Variants in SEMA6D observed in about 807,000 individuals in gnomAD.
The protein encoded by SEMA6D is semaphorin-6D.
In SEMA6D, 35 loss-of-function variants were observed where a neutral mutation model predicts 106.6. The observed-to-expected ratio is 0.33, with a 90% CI of 0.25 to 0.44. The LOEUF (loss-of-function observed/expected upper bound fraction) is 0.44. Among genes scored for constraint, SEMA6D ranks in the 20% least tolerant of loss-of-function variants. The pLI is 1.00. For synonymous variants in SEMA6D, 499 were observed against 487.7 expected, an observed-to-expected ratio of 1.02 and a Z score of -0.31; for missense variants, 1,185 against 1,345.9, an observed-to-expected ratio of 0.88 and a Z score of 1.87.
intron 4 of SEMA6D, among the ~76,000 whole-genome samples, chr15:47,657,930 C>T (rs2077835534): frequency 1.3e-5 from 2 of 150,972 alleles, no homozygotes; most frequent in East Asian, 2.0e-4. Flanking sequence ...GTAGTAGAGA[C>T]GGGGTTTCGC....
At chr15:47,268,100 G>A (rs190213755) in intron 1 of SEMA6D, among the ~76,000 whole-genome samples, 20 of 152,170 alleles carry the variant, frequency 1.3e-4, no homozygotes, top group African/African-American at 4.1e-4. Flanking sequence ...GCAGTTTAAC[G>A]AGGTCCCCAG....
intron 3 of SEMA6D, chr15:47,527,887 CAGTAG>C (rs1262624881): frequency 6.6e-6 from 1 of 152,118 alleles, no homozygotes; most frequent in Non-Finnish European, 1.5e-5. Context: ...TATTGCATGT[CAGTAG>C]AGTAAAGCAC....
At chr15:47,659,377 G>A (rs2077870561) in intron 4 of SEMA6D, among the ~76,000 whole-genome samples, 1 of 151,408 alleles carries the variant, frequency 6.6e-6, no homozygotes. Flanking sequence ...AATTGTATTA[G>A]GAAAACTAGC....
chr15:47,517,709 G>C (rs1276587719), intron 3 of SEMA6D, among the ~76,000 whole-genome samples: 1 of 151,972 alleles, frequency 6.6e-6, no homozygotes. Flanking sequence ...GCCACTTTTT[G>C]TTTGTTTGTC....
At chr15:47,322,008 C>G (rs2036941802) in intron 1 of SEMA6D, among the ~76,000 whole-genome samples, 1 of 152,100 alleles carries the variant, frequency 6.6e-6, no homozygotes, top group Non-Finnish European at 1.5e-5. Flanking sequence ...TAAGTCTATG[C>G]TTAGATAAAA....
chr15:47,428,071 C>T (rs981611907), intron 2 of SEMA6D, among the ~76,000 whole-genome samples: 8 of 151,944 alleles, frequency 5.3e-5, no homozygotes, highest in African/African-American at 1.9e-4. Context: ...TGCAAGAGAT[C>T]TATGCTTAAA....
At chr15:47,397,354 GGA>G (rs2040245164) in intron 1 of SEMA6D, 1 of 152,158 alleles carries the variant, frequency 6.6e-6, no homozygotes, top group South Asian at 2.1e-4. Flanking sequence ...TGTAGACAAG[GGA>G]GAGTTTTTCT....
intron 1 of SEMA6D, among the ~76,000 whole-genome samples, chr15:47,195,292 A>C (rs558912710): frequency 1.3e-5 from 2 of 152,208 alleles, no homozygotes; most frequent in South Asian, 4.1e-4. Context: ...CCCAGAGCAC[A>C]TTGCTTTCTC....
intron 1 of SEMA6D, among the ~76,000 whole-genome samples, chr15:47,753,693 T>A (rs1288314470): frequency 6.6e-6 from 1 of 152,172 alleles, no homozygotes; most frequent in Admixed American, 6.5e-5. Context: ...AAAGTCTTCG[T>A]AAAGCTAGAG....
chr15:47,591,980 A>G (rs943160388), intron 3 of SEMA6D, among the ~76,000 whole-genome samples: 4 of 152,214 alleles, frequency 2.6e-5, no homozygotes, highest in Non-Finnish European at 5.9e-5. Context: ...AGCATCTGTC[A>G]TTGTTAAATG....
intron 4 of SEMA6D, among the ~76,000 whole-genome samples, chr15:47,699,506 T>G (rs1210743192): frequency 6.6e-6 from 1 of 152,178 alleles, no homozygotes; most frequent in Non-Finnish European, 1.5e-5. Context: ...GAAAAAGACC[T>G]TAGACATTTG....
At chr15:47,217,894 C>T in intron 1 of SEMA6D, among the ~76,000 whole-genome samples, 1 of 151,080 alleles carries the variant, frequency 6.6e-6, no homozygotes. Flanking sequence ...CACACACACA[C>T]ACACACACAC....
At chr15:47,541,674 A>G (rs1348167929) in intron 3 of SEMA6D, among the ~76,000 whole-genome samples, 4 of 152,212 alleles carry the variant, frequency 2.6e-5, no homozygotes, top group Admixed American at 2.0e-4. Context: ...TCCTGTATCT[A>G]CAGATGATCG....
At chr15:47,376,467 A>G (rs946830470) in intron 1 of SEMA6D, among the ~76,000 whole-genome samples, 5 of 152,204 alleles carry the variant, frequency 3.3e-5, no homozygotes, top group Admixed American at 6.5e-5. Context: ...CTCCATCATA[A>G]TGTCCACCCG....
intron 3 of SEMA6D, among the ~76,000 whole-genome samples, chr15:47,541,201 G>A (rs1030639026): frequency 1.3e-5 from 2 of 152,146 alleles, no homozygotes; most frequent in African/African-American, 4.8e-5. Context: ...ATACTCAAGT[G>A]TTTGGTTGAA....
chr15:47,348,777 C>A (rs1298729782), intron 1 of SEMA6D, among the ~76,000 whole-genome samples: 1 of 100,228 alleles, frequency 1.0e-5, no homozygotes, highest in Non-Finnish European at 2.0e-5. Context: ...TTTTTTCCTG[C>A]TATGCCAGAC....
At chr15:47,392,198 A>G (rs1595891360) in intron 1 of SEMA6D, among the ~76,000 whole-genome samples, 1 of 152,218 alleles carries the variant, frequency 6.6e-6, no homozygotes, top group Non-Finnish European at 1.5e-5. Context: ...TGAGGATGGC[A>G]CATAACTAGT....
chr15:47,427,288 A>G (rs1049897422), intron 2 of SEMA6D, among the ~76,000 whole-genome samples: 2 of 152,108 alleles, frequency 1.3e-5, no homozygotes, highest in African/African-American at 4.8e-5. Flanking sequence ...AAGTTTGAGA[A>G]ACACTGCACA....
rs573501810 is a variant in SEMA6D, at chr15:47,730,339, A to G, written c.-55+12647A>G. ...CCGAGTTCACCTGTGTGAAGGCCAC[A>G]GTGGTGCAGGTCTTCCTGTGGACTA... On this transcript the variant is annotated intron_variant, in intron 1 of 18. Transcript: ENST00000536845. 8.2e-6 allele frequency: 12 copies of G among 1,465,714 alleles called. No individual in the cohort carries two copies. In the African/African-American group the frequency reaches 9.7e-5, roughly 12 times the overall value. The allele number at this position is 1,465,714 out of a possible 1,614,324, so 90.8% of individuals were successfully genotyped here.
Sources: gnomAD v4.1 joint callset for allele counts (sites outside exome capture counted in the v4.1 genomes callset) on GRCh38, gnomAD v4.1.1 for gene constraint, MANE v1.5 for transcripts, NCBI Gene and HGNC (gene_info 2026-07-23, HGNC 2026-07-21) for gene names.